The following WDR27 variants were observed in gnomAD, a reference collection of about 807,000 sequenced individuals.
WDR27 encodes the protein WD repeat-containing protein 27.
A neutral mutation model predicts 114.4 loss-of-function variants in WDR27; 100 were observed. That is an observed-to-expected ratio of 0.87 (90% CI 0.74 to 1.03). The LOEUF (loss-of-function observed/expected upper bound fraction) is 1.03. Ranked by LOEUF, WDR27 falls within the 50% of genes least tolerant of loss-of-function variation. WDR27 has a pLI of 0.00. For synonymous variants in WDR27, 449 were observed against 423.1 expected (o/e 1.06, Z -0.75); for missense variants, 1,129 against 1,092.9 (o/e 1.03, Z -0.47).
At chr6:169,600,251 G>C (rs1183754142) in intron 23 of WDR27, among the ~76,000 whole-genome samples, 1 of 152,138 alleles carries the variant, frequency 6.6e-6, no homozygotes, top group Non-Finnish European at 1.5e-5. Context: ...GCAGCTGAGG[G>C]TCCTGACTGT....
rs1445706261 is a variant in WDR27, at chr6:169,701,941, A to C, written c.-398T>G. On this transcript the variant is annotated 5_prime_UTR_variant, in exon 1 of 26. Transcript: ENST00000448612. ...GGACTCACAGCACCCAGCTCCCAGGAGGGCACGCAGAGGACTACCGAGCCA... is the reference window on the plus strand; with the variant it reads ...GGACTCACAGCACCCAGCTCCCAGGCGGGCACGCAGAGGACTACCGAGCCA... The C allele has an allele frequency of 1.4e-5, 5 of 360,620 alleles. No homozygotes were observed. The highest frequency in any genetic ancestry group is 2.7e-5 in the Non-Finnish European group (5 of 182,962). The allele number at this position is 360,620 out of a possible 1,614,324, so 22.3% of individuals were successfully genotyped here.
In WDR27 at chr6:169,701,839, T is replaced by G. The variant is rs1788160838; in HGVS notation, c.-296A>C. The G allele has an allele frequency of 3.2e-6, 1 of 313,242 alleles. No homozygotes were observed. The highest frequency in any genetic ancestry group is 2.3e-5 in the African/African-American group (1 of 42,896). The allele number at this position is 313,242 out of a possible 1,614,324, so 19.4% of individuals were successfully genotyped here. On this transcript the variant is annotated 5_prime_UTR_variant, in exon 1 of 26. Transcript: ENST00000448612. ...CCGCGCAGCCCCCGCGCTCCAGCCC[T>G]GCGCCCTAGGCACACGCCCCAGAGC...
chr6:169,542,357 T>C (rs1408660896), intron 25 of WDR27, among the ~76,000 whole-genome samples: 3 of 152,118 alleles, frequency 2.0e-5, no homozygotes, highest in Non-Finnish European at 4.4e-5. Flanking sequence ...CTGATAAAAG[T>C]ACAACTTTGT....
chr6:169,577,052 G>A (rs1226140781), intron 24 of WDR27, among the ~76,000 whole-genome samples: 5 of 149,776 alleles, frequency 3.3e-5, no homozygotes, highest in Non-Finnish European at 5.9e-5. Flanking sequence ...TAGCAAGGAA[G>A]AAGGATCCTC....
At chr6:169,560,026 G>A (rs911075051) in intron 25 of WDR27, 2 of 152,166 alleles carry the variant, frequency 1.3e-5, no homozygotes, top group African/African-American at 4.8e-5. Flanking sequence ...CACCTAATCA[G>A]TGCAAGTAAA....
intron 5 of WDR27, among the ~76,000 whole-genome samples, chr6:169,667,751 C>T (rs916108654): frequency 1.2e-4 from 18 of 152,326 alleles, no homozygotes; most frequent in Non-Finnish European, 1.3e-4. Context: ...GTGGGAAATC[C>T]GGGGCCGCAG....
chr6:169,657,823 G>C (rs997921016), intron 13 of WDR27: 1 of 157,598 alleles, frequency 6.3e-6, no homozygotes, highest in Admixed American at 6.1e-5. Context: ...AAAATGACTG[G>C]TTTTGATATA....
chr6:169,664,427 G>A, intron 7 of WDR27, 141 bp from the exon 8 acceptor site: 1 of 1,522,838 alleles, frequency 6.6e-7, no homozygotes, highest in East Asian at 2.4e-5. Flanking sequence ...CGGCACAGCT[G>A]TCTCCTGCCT....
chr6:169,586,840 T>A (rs1273177370), intron 23 of WDR27, among the ~76,000 whole-genome samples: 7 of 29,582 alleles, frequency 2.4e-4, no homozygotes, highest in Non-Finnish European at 8.3e-4. Flanking sequence ...ACAGCTAGAC[T>A]CTGTCTCAAA....
chr6:169,427,126 G>C, the WDR27 span: 1 of 152,436 alleles, frequency 6.6e-6, no homozygotes, highest in Non-Finnish European at 1.5e-5. Flanking sequence ...TGGAAAGCAG[G>C]TGTTGGGTCC....
rs1300017393 is a variant in WDR27, at chr6:169,634,449, C to A, written c.2080G>T (p.Ala694Ser). ...ATACGGGAATAAAAGTCGTTGACTG[C>A]CGATAAACTGGTCATGTCTACTGCA... The part of the protein sequence containing the change: ...TGAVDMTSLS[A>S]VNDFYSHIVL... Residue 694 changes from alanine (A) to serine (S), a missense_variant, in exon 20 of 26, where the codon GCA (alanine) becomes TCA (serine). Coordinates refer to ENST00000448612, the MANE Select transcript of WDR27 (RefSeq NM_182552.5). 3 of 1,612,520 alleles carry A rather than the reference C, an allele frequency of 1.9e-6. No individual in the cohort carries two copies.
At chr6:169,527,814 T>A (rs1458410933) in intron 25 of WDR27, among the ~76,000 whole-genome samples, 1 of 152,182 alleles carries the variant, frequency 6.6e-6, no homozygotes. Context: ...ATAAATTTTG[T>A]AAAACGTCAG....
chr6:169,580,825 G>A (rs1476464275), intron 24 of WDR27, among the ~76,000 whole-genome samples: 1 of 151,012 alleles, frequency 6.6e-6, no homozygotes, highest in African/African-American at 2.4e-5. Context: ...TGATATATGT[G>A]GAAGAAAGTG....
intron 25 of WDR27, among the ~76,000 whole-genome samples, chr6:169,555,107 T>C (rs1798689887): frequency 1.3e-5 from 2 of 152,160 alleles, no homozygotes; most frequent in Non-Finnish European, 2.9e-5. Flanking sequence ...ATTCTTCCCT[T>C]GAATAACTAA....
the WDR27 span, among the ~76,000 whole-genome samples, chr6:169,438,243 T>C: frequency 1.4e-5 from 2 of 146,144 alleles, no homozygotes; most frequent in Non-Finnish European, 3.0e-5. Flanking sequence ...TTTCTTTTTT[T>C]TTTTTTTTTT....
chr6:169,658,182 T>C (rs1824810059), intron 13 of WDR27, 94 bp downstream of exon 13: 2 of 983,964 alleles, frequency 2.0e-6, no homozygotes, highest in South Asian at 1.4e-5. Context: ...ATGCATATTT[T>C]AACATAAGAA....
At chr6:169,612,144 C>G (rs1246889826) in intron 22 of WDR27, among the ~76,000 whole-genome samples, 1 of 150,480 alleles carries the variant, frequency 6.6e-6, no homozygotes, top group Non-Finnish European at 1.5e-5. Context: ...TCAAAAAAAC[C>G]AAACAGGCTG....
intron 2 of WDR27, among the ~76,000 whole-genome samples, chr6:169,677,901 G>A (rs1445377942): frequency 1.3e-5 from 2 of 152,212 alleles, no homozygotes; most frequent in Admixed American, 6.5e-5. Context: ...TAAGCCTGCG[G>A]GTGCACAGAG....
At chr6:169,640,239 A>G (rs921815895) in intron 17 of WDR27, among the ~76,000 whole-genome samples, 10 of 152,228 alleles carry the variant, frequency 6.6e-5, no homozygotes, top group African/African-American at 1.9e-4. Flanking sequence ...TGTGGGCCTC[A>G]GCATGTGAAT....
Sources: gnomAD v4.1 joint callset for allele counts (sites outside exome capture counted in the v4.1 genomes callset) on GRCh38, gnomAD v4.1.1 for gene constraint, MANE v1.5 for transcripts, NCBI Gene and HGNC (gene_info 2026-07-23, HGNC 2026-07-21) for gene names.